The following FRMD4A variants were observed in gnomAD, a reference collection of about 807,000 sequenced individuals.
The protein encoded by FRMD4A is FERM domain-containing protein 4A.
In FRMD4A, 29 loss-of-function variants were observed where a neutral mutation model predicts 129.1. That is an observed-to-expected ratio of 0.22 (90% CI 0.17 to 0.31). The LOEUF (loss-of-function observed/expected upper bound fraction) is 0.31. FRMD4A is among the 10% of genes least tolerant of loss of function. The probability of loss-of-function intolerance (pLI) is 1.00; values close to 1 mark genes in which losing one functional copy is unlikely to be tolerated. For missense variants in FRMD4A, 1,272 were observed against 1,375.8 expected (o/e 0.92, Z 1.19); for synonymous variants, 634 against 571.6 (o/e 1.11, Z -1.56).
intron 18 of FRMD4A, among the ~76,000 whole-genome samples, chr10:13,665,515 T>G (rs146198985): frequency 3.9e-5 from 6 of 152,166 alleles, no homozygotes; most frequent in African/African-American, 1.4e-4. Context: ...TGGGTGGATT[T>G]TGGGGGATTT....
chr10:14,301,448 A>G (rs1261238542), intron 2 of FRMD4A, among the ~76,000 whole-genome samples: 1 of 152,218 alleles, frequency 6.6e-6, no homozygotes, highest in Non-Finnish European at 1.5e-5. Flanking sequence ...AACGTCTCCT[A>G]GACAGAAGGC....
intron 6 of FRMD4A, among the ~76,000 whole-genome samples, chr10:13,777,791 A>ATTTTTTTTTTTTTTTTTTTTTT: frequency 1.2e-5 from 1 of 85,984 alleles, no homozygotes; most frequent in South Asian, 5.5e-4. Flanking sequence ...CTTTGGGTCA[A>ATTTTTTTTTTTTTTTTTTTTTT]TTTTTTTTTT....
intron 2 of FRMD4A, among the ~76,000 whole-genome samples, chr10:13,868,666 G>T (rs2094403601): frequency 6.6e-6 from 1 of 152,094 alleles, no homozygotes; most frequent in South Asian, 2.1e-4. Context: ...GGGCATGGCG[G>T]TGTGTGCCTA....
At position 13,958,575 on chromosome 10, in the gene FRMD4A, A is replaced by G. The variant is rs796540675; in HGVS notation, c.46-99663T>C. ...TGGGATTACAGGCGTGAGCCACCGC[A>G]CCCGACCAGTGTCTTTCTTTCTTTC... is the stretch of plus-strand genomic sequence containing the variant. On this transcript the variant is annotated intron_variant, in intron 2 of 24. Coordinates refer to ENST00000357447, the MANE Select transcript of FRMD4A (RefSeq NM_018027.5). Among the ~76,000 whole-genome samples the G allele has an allele frequency of 2.4e-4, 33 of 139,406 alleles. 1 individual carries two copies. The highest frequency in any genetic ancestry group is 7.0e-4 in the African/African-American group (26 of 37,214). The allele number at this position is 139,406 out of a possible 152,430, so 91.5% of individuals were successfully genotyped here. A position where few individuals can be genotyped will look rare whatever the true frequency, so the allele number is the denominator to read the frequency against.
chr10:13,940,721 A>T (rs1055675128), intron 2 of FRMD4A, among the ~76,000 whole-genome samples: 12 of 152,198 alleles, frequency 7.9e-5, no homozygotes, highest in Admixed American at 2.6e-4. Flanking sequence ...TCAAGAGAAG[A>T]TGTCCTTGGG....
At chr10:13,774,797 C>A (rs1418505463) in intron 6 of FRMD4A, among the ~76,000 whole-genome samples, 3 of 150,994 alleles carry the variant, frequency 2.0e-5, no homozygotes, top group South Asian at 2.1e-4. Flanking sequence ...GAGACCAACA[C>A]AAATAAACTG....
At position 13,656,667 on chromosome 10, in the gene FRMD4A, G is replaced by T; in HGVS notation, c.2922C>A (p.Thr974=). The T allele has an allele frequency of 2.6e-6, 4 of 1,512,990 alleles. No individual in the cohort carries two copies. In the East Asian group the frequency reaches 1.0e-4, roughly 39 times the overall value. 93.7% of individuals were successfully genotyped at this position (1,512,990 alleles called of 1,614,324 possible). The stretch of plus-strand genomic sequence containing the variant: ...TGGCCTTGCACATCTGGGGCATCCT[G>T]GTGACCCTGCTGTGCGCCACGAAGG... ...QSTFVAHSRV[T]RMPQMCKATS... is the part of the protein sequence containing the mutation. The change falls in exon 22 of 25, where the codon ACC becomes ACA. Residue 974 remains threonine, a synonymous_variant. Coordinates refer to ENST00000357447, the MANE Select transcript of FRMD4A (RefSeq NM_018027.5).
chr10:14,305,912 A>C (rs1486625271), intron 2 of FRMD4A, among the ~76,000 whole-genome samples: 1 of 152,192 alleles, frequency 6.6e-6, no homozygotes, highest in African/African-American at 2.4e-5. Flanking sequence ...TATAAGTGGG[A>C]GCTGAATTAT....
intron 2 of FRMD4A, among the ~76,000 whole-genome samples, chr10:14,005,196 TG>T (rs1482439540): frequency 6.6e-6 from 1 of 152,114 alleles, no homozygotes; most frequent in Non-Finnish European, 1.5e-5. Flanking sequence ...CTAATTTTTT[TG>T]TATTTTAGTA....
In FRMD4A at chr10:13,656,775, C is replaced by T. The variant is rs573614192; in HGVS notation, c.2814G>A (p.Ser938=). ...LRQWYQRSTA[S]HKEHSRLSHT... is the part of the protein sequence containing the mutation. ...GCGACAGGCGGCTGTGCTCCTTGTG[C>T]GAGGCGGTGGAACGCTGGTACCACT... The change falls in exon 22 of 25, where the codon TCG becomes TCA. Residue 938 remains serine, a synonymous_variant. Coordinates refer to ENST00000357447, the MANE Select transcript of FRMD4A (RefSeq NM_018027.5). 9 of 1,597,304 alleles carry T rather than the reference C, an allele frequency of 5.6e-6. No individual in the cohort carries two copies. The East Asian group carries it at 2.1e-4, about 37-fold the overall frequency.
intron 12 of FRMD4A, among the ~76,000 whole-genome samples, chr10:13,712,290 G>T (rs1413696771): frequency 6.6e-6 from 1 of 152,226 alleles, no homozygotes; most frequent in Admixed American, 6.5e-5. Context: ...GGGAGGCCAA[G>T]GTTGGGGGAT....
intron 2 of FRMD4A, among the ~76,000 whole-genome samples, chr10:14,176,752 A>G (rs886278405): frequency 6.6e-6 from 1 of 152,086 alleles, no homozygotes; most frequent in Non-Finnish European, 1.5e-5. Flanking sequence ...GATTACAGGC[A>G]TGAGCCACTG....
chr10:13,896,571 T>C (rs1014606350), intron 2 of FRMD4A, among the ~76,000 whole-genome samples: 35 of 151,914 alleles, frequency 2.3e-4, no homozygotes, highest in Admixed American at 8.5e-4. Flanking sequence ...CTAATGCATG[T>C]GGGGCTTAAA....
At chr10:14,194,428 G>A (rs551280337) in intron 2 of FRMD4A, among the ~76,000 whole-genome samples, 1 of 152,292 alleles carries the variant, frequency 6.6e-6, no homozygotes. Context: ...GGCTAACACG[G>A]TGAAACCCCG....
rs944427161 is a variant in FRMD4A, at chr10:13,773,671, C to T, written c.384+9251G>A. On this transcript the variant is annotated intron_variant, in intron 6 of 24. Coordinates refer to ENST00000357447, the MANE Select transcript of FRMD4A (RefSeq NM_018027.5). ...TTACGACCTATGTTTGCAAAGCTTT[C>T]AGACATCACTGTGATGACTAATTTT... is the stretch of plus-strand genomic sequence containing the variant. Among the ~76,000 whole-genome samples the T allele has an allele frequency of 1.4e-4, 22 of 152,232 alleles. 1 individual carries two copies. Among genetic ancestry groups the T allele is most frequent in the African/African-American group, 5.3e-4 (22 of 41,456 alleles).
intron 12 of FRMD4A, among the ~76,000 whole-genome samples, chr10:13,716,503 G>C (rs929710677): frequency 6.6e-6 from 1 of 152,172 alleles, no homozygotes; most frequent in Admixed American, 6.5e-5. Context: ...ACCCAGCACA[G>C]GAGACAATGG....
chr10:13,755,934 C>T (rs894402884), intron 8 of FRMD4A: 3 of 152,180 alleles, frequency 2.0e-5, no homozygotes, highest in Admixed American at 1.3e-4. Context: ...TCCCTTCCAT[C>T]GCCTCTTAAG....
At chr10:13,697,104 G>A (rs1478605399) in intron 14 of FRMD4A, among the ~76,000 whole-genome samples, 1 of 151,244 alleles carries the variant, frequency 6.6e-6, no homozygotes, top group Non-Finnish European at 1.5e-5. Context: ...CCTTCCTAAA[G>A]GAGACTAGAT....
chr10:14,102,709 C>T (rs1219197686), intron 2 of FRMD4A, among the ~76,000 whole-genome samples: 1 of 151,136 alleles, frequency 6.6e-6, no homozygotes, highest in Non-Finnish European at 1.5e-5. Flanking sequence ...ACTTCAAAAG[C>T]TTACTCAAAT....
Sources: gnomAD v4.1 joint callset for allele counts (sites outside exome capture counted in the v4.1 genomes callset) on GRCh38, gnomAD v4.1.1 for gene constraint, MANE v1.5 for transcripts, NCBI Gene and HGNC (gene_info 2026-07-23, HGNC 2026-07-21) for gene names.